MAEA: variants seen among roughly 807,000 people sequenced by gnomAD.
MAEA encodes E3 ubiquitin-protein transferase MAEA.
Under a neutral mutation model 46.2 loss-of-function variants are expected in MAEA, and 22 were observed. That is an observed-to-expected ratio of 0.48 (90% CI 0.34 to 0.68). The LOEUF is 0.68. Ranked by LOEUF, MAEA falls within the 30% of genes least tolerant of loss-of-function variation. The pLI, the probability that MAEA is intolerant of heterozygous loss-of-function variation, is 0.01. For synonymous variants in MAEA, 246 were observed against 222.6 expected, an observed-to-expected ratio of 1.11 and a Z score of -0.94; for missense variants, 393 against 558.1, an observed-to-expected ratio of 0.70 and a Z score of 2.98.
chr4:1,320,301 C>T (rs570157679), intron 3 of MAEA, among the ~76,000 whole-genome samples: 8 of 147,334 alleles, frequency 5.4e-5, no homozygotes, highest in South Asian at 2.2e-4. Context: ...TCAAAGCAAA[C>T]GTGCAAGAAA....
chr4:1,302,983 C>A (rs551948034), intron 1 of MAEA, among the ~76,000 whole-genome samples: 15 of 152,196 alleles, frequency 9.9e-5, no homozygotes, highest in African/African-American at 3.4e-4. Context: ...TCCTCATACG[C>A]AGCCACCTCG....
chr4:1,290,188 C>T (rs1013438673), intron 1 of MAEA, among the ~76,000 whole-genome samples: 1 of 151,668 alleles, frequency 6.6e-6, no homozygotes, highest in African/African-American at 2.4e-5. Context: ...TGCCAGGCGC[C>T]CGACTGTGGC....
At chr4:1,336,362 G>A (rs535773615) in intron 6 of MAEA, among the ~76,000 whole-genome samples, 17 of 148,930 alleles carry the variant, frequency 1.1e-4, no homozygotes, top group South Asian at 2.2e-4. Context: ...GCACTCCCCC[G>A]ACAGTGTGTT....
At position 1,339,783 on chromosome 4, in the gene MAEA, G is replaced by A. The variant is rs1490143344; in HGVS notation, c.*614G>A. 6.5e-6 allele frequency: 1 copy of A among 153,094 alleles called. No individual in the cohort carries two copies. Among genetic ancestry groups the A allele is most frequent in the Admixed American group, 6.5e-5 (1 of 15,308 alleles). 9.5% of individuals were successfully genotyped at this position (153,094 alleles called of 1,614,324 possible). A position where few individuals can be genotyped will look rare whatever the true frequency, so the allele number is the denominator to read the frequency against. On this transcript the variant is annotated 3_prime_UTR_variant, in exon 9 of 9. Transcript: ENST00000303400. ...ACTGTGTTCGTACGTGCATAGTTTC[G>A]ATATCACATCGCGGGGCTGTGTTCG... is the stretch of plus-strand genomic sequence containing the variant.
Position 1,339,457 on chromosome 4 carries a change from C to T in MAEA, c.*288C>T, listed in dbSNP as rs187974795. 14 of 426,382 alleles carry T rather than the reference C, an allele frequency of 3.3e-5. No individual in the cohort carries two copies. The highest frequency in any genetic ancestry group is 1.6e-4 in the South Asian group (5 of 31,322). 26.4% of individuals were successfully genotyped at this position (426,382 alleles called of 1,614,324 possible). ...CTTCTTTAAAGACTGACCTAAACAC[C>T]GAGGGAAACTTAAGAACGTTTAAAA... On this transcript the variant is annotated 3_prime_UTR_variant, in exon 9 of 9. Coordinates refer to ENST00000303400, the MANE Select transcript of MAEA (RefSeq NM_001017405.3).
intron 3 of MAEA, 47 bp downstream of exon 3, chr4:1,315,647 C>T: frequency 6.3e-7 from 1 of 1,596,094 alleles, no homozygotes; most frequent in Non-Finnish European, 8.6e-7. Context: ...TGGCCCCAGG[C>T]CTATGGCCAG....
chr4:1,322,626 G>T lies in MAEA; in HGVS notation c.579+123G>T, dbSNP rs1738273911. ...TTTGGTTTTGGTTTGTAAGGTGGGG[G>T]TTGGGTTTGGGAGTTTTTTTGGTGG... On this transcript the variant is annotated intron_variant, in intron 4 of 8. Coordinates refer to ENST00000303400, the MANE Select transcript of MAEA (RefSeq NM_001017405.3). The T allele has an allele frequency of 3.7e-6, 5 of 1,348,182 alleles. No homozygotes were observed. The Admixed American group carries it at 1.2e-4, about 33-fold the overall frequency. 83.5% of individuals were successfully genotyped at this position (1,348,182 alleles called of 1,614,324 possible).
At chr4:1,303,340 T>C (rs2108880732) in intron 1 of MAEA, among the ~76,000 whole-genome samples, 1 of 142,122 alleles carries the variant, frequency 7.0e-6, no homozygotes, top group South Asian at 2.2e-4. Context: ...AGGCAGAGGT[T>C]ACAGTGAGCT....
chr4:1,338,203 G>C, intron 7 of MAEA: 1 of 503,824 alleles, frequency 2.0e-6, no homozygotes, highest in Non-Finnish European at 3.6e-6. Context: ...GGAGGCCGGG[G>C]TGAGAAGGCG....
intron 1 of MAEA, among the ~76,000 whole-genome samples, chr4:1,297,039 A>C (rs2108860390): frequency 6.6e-6 from 1 of 151,646 alleles, no homozygotes; most frequent in East Asian, 1.9e-4. Flanking sequence ...CCGTGTAGTC[A>C]CCTCCCGGAG....
rs1424819791 is a variant in MAEA at position 1,311,669 on chromosome 4, T to C, written c.70-310T>C. On this transcript the variant is annotated intron_variant, in intron 1 of 8. Coordinates refer to ENST00000303400, the MANE Select transcript of MAEA (RefSeq NM_001017405.3). This position sits in a 1 kb window ranked among gnomAD's most constrained non-coding sequence, Gnocchi z 4.4. ...TAGCCTCACACCCCGGTCACTCCTC[T>C]CCTGTTTGGAAATTTCTTTAACTGT... Among the ~76,000 whole-genome samples, 1 of 152,190 alleles carries C rather than the reference T, an allele frequency of 6.6e-6. No individual in the cohort carries two copies. Among genetic ancestry groups the C allele is most frequent in the East Asian group, 1.9e-4 (1 of 5,180 alleles).
intron 1 of MAEA, chr4:1,309,390 C>T: frequency 1.6e-6 from 2 of 1,247,004 alleles, no homozygotes; most frequent in Non-Finnish European, 2.0e-6. Context: ...GCTTTTAGGG[C>T]CCGGAGTCAC....
Position 1,333,866 on chromosome 4 carries a change from C to CGT in MAEA, c.765+1003_765+1004dup, listed in dbSNP as rs571491486. Among the ~76,000 whole-genome samples, 3 of 4,064 alleles carry CGT rather than the reference C, an allele frequency of 7.4e-4. 1 individual carries two copies. The highest frequency in any genetic ancestry group is 1.8e-3 in the Non-Finnish European group (2 of 1,082). The allele number at this position is 4,064 out of a possible 152,430, so 2.7% of individuals were successfully genotyped here. A position where few individuals can be genotyped will look rare whatever the true frequency, so the allele number is the denominator to read the frequency against. The stretch of plus-strand genomic sequence containing the variant: ...TCACCCCCCTGCCCACCCCCATGCC[C>CGT]GTGCTCACCTCTGCACCCACCCCAT... On this transcript the variant is annotated intron_variant, in intron 6 of 8. Transcript: ENST00000303400.
intron 2 of MAEA, among the ~76,000 whole-genome samples, chr4:1,314,100 G>T (rs1315343352): frequency 6.6e-6 from 1 of 152,216 alleles, no homozygotes; most frequent in Non-Finnish European, 1.5e-5. Context: ...GGCCAAGGCA[G>T]GCGGATCACC....
At chr4:1,323,456 C>T (rs1208588958) in intron 4 of MAEA, 2 of 702,370 alleles carry the variant, frequency 2.8e-6, no homozygotes, top group South Asian at 3.0e-5. Flanking sequence ...TGGCAGGGTG[C>T]ACGCAGTTAC....
At chr4:1,328,512 TG>T in intron 5 of MAEA, 1 of 681,728 alleles carries the variant, frequency 1.5e-6, no homozygotes, top group Non-Finnish European at 2.0e-6. Context: ...AGTTGCTGTG[TG>T]GGGTGTGTGG....
intron 3 of MAEA, among the ~76,000 whole-genome samples, chr4:1,318,556 G>A (rs1237603065): frequency 6.6e-6 from 1 of 151,968 alleles, no homozygotes; most frequent in Non-Finnish European, 1.5e-5. Flanking sequence ...GGCGTGTGGA[G>A]CCCATGAGGA....
intron 3 of MAEA, among the ~76,000 whole-genome samples, chr4:1,321,843 C>G (rs2108956194): frequency 6.6e-6 from 1 of 151,292 alleles, no homozygotes; most frequent in East Asian, 1.9e-4. Context: ...AGACTTGATG[C>G]TAAGCCTGGG....
chr4:1,309,472 G>C lies in MAEA; in HGVS notation c.70-2507G>C, dbSNP rs57731184. ...TGGCTCCTCTGGGGGGCGTGGATGTGGGGAGGAGCTGCTGTCTGGGTCAGC... is the reference window on the plus strand; with the variant it reads ...TGGCTCCTCTGGGGGGCGTGGATGTCGGGAGGAGCTGCTGTCTGGGTCAGC... On this transcript the variant is annotated intron_variant, in intron 1 of 8. Coordinates refer to ENST00000303400, the MANE Select transcript of MAEA (RefSeq NM_001017405.3). 5,764 of 1,318,182 alleles carry C rather than the reference G, an allele frequency of 4.4e-3. 215 individuals carry two copies. The African/African-American group carries it at 0.075, about 17-fold the overall frequency. The allele number at this position is 1,318,182 out of a possible 1,614,324, so 81.7% of individuals were successfully genotyped here.
Sources: gnomAD v4.1 joint callset for allele counts (sites outside exome capture counted in the v4.1 genomes callset) on GRCh38, gnomAD v4.1.1 for gene constraint, Gnocchi (gnomAD v3.1) non-coding constraint, MANE v1.5 for transcripts, NCBI Gene and HGNC (gene_info 2026-07-23, HGNC 2026-07-21) for gene names.